Variants in FBXO34 observed in about 807,000 individuals in gnomAD.
FBXO34 encodes F-box only protein 34.
A neutral mutation model predicts 24.5 loss-of-function variants in FBXO34; 12 were observed. That is an observed-to-expected ratio of 0.49 (90% CI 0.31 to 0.79). The LOEUF (loss-of-function observed/expected upper bound fraction) is 0.79. Ranked by LOEUF, FBXO34 falls within the 30% of genes least tolerant of loss-of-function variation. The probability of loss-of-function intolerance (pLI) is 0.04; values close to 1 mark genes in which losing one functional copy is unlikely to be tolerated. For missense variants in FBXO34, 823 were observed against 857.7 expected (o/e 0.96, Z 0.51); for synonymous variants, 320 against 311.9 (o/e 1.03, Z -0.27).
the FBXO34 span, among the ~76,000 whole-genome samples, chr14:55,431,202 C>A: frequency 6.6e-6 from 1 of 152,180 alleles, no homozygotes; most frequent in Non-Finnish European, 1.5e-5. Context: ...TAACTAAATT[C>A]TCACAACTCA....
intron 3 of FBXO34, among the ~76,000 whole-genome samples, chr14:55,360,893 G>A (rs765495306): frequency 8.5e-5 from 13 of 152,218 alleles, no homozygotes; most frequent in South Asian, 6.2e-4. Flanking sequence ...AGCTATTCGG[G>A]AGGCTGAGGC....
At chr14:55,302,945 C>T (rs1882413719) in intron 1 of FBXO34, among the ~76,000 whole-genome samples, 1 of 152,172 alleles carries the variant, frequency 6.6e-6, no homozygotes, top group African/African-American at 2.4e-5. Context: ...AGTAAAGAGG[C>T]TAACAGTTGT....
intron 3 of FBXO34, among the ~76,000 whole-genome samples, chr14:55,359,916 CAAAAAA>C (rs34051939): frequency 1.1e-5 from 1 of 95,156 alleles, no homozygotes; most frequent in Admixed American, 1.1e-4. Context: ...CTTGTGCCTA[CAAAAAA>C]AAAAAAAAAA....
intron 1 of FBXO34, among the ~76,000 whole-genome samples, chr14:55,334,106 C>CA (rs1009861459): frequency 2.6e-5 from 4 of 152,166 alleles, no homozygotes; most frequent in Non-Finnish European, 5.9e-5. Context: ...AAAGCTGCTA[C>CA]ACAAGCCAGA....
chr14:55,364,926 G>T (rs1261331533), downstream of FBXO34, among the ~76,000 whole-genome samples: 1 of 151,454 alleles, frequency 6.6e-6, no homozygotes, highest in African/African-American at 2.4e-5. Context: ...TGTAGAAATG[G>T]GGTCTCACTG....
chr14:55,350,450 G>C lies in FBXO34; in HGVS notation c.60G>C (p.Arg20Ser). 1 of 1,610,430 alleles carries C rather than the reference G, an allele frequency of 6.2e-7. No homozygotes were observed. The change falls in exon 2 of 2, where the codon AGG becomes AGC. Residue 20 changes from arginine (R) to serine (S), a missense_variant. Arg to Ser is a moderately radical substitution (Grantham distance 110). Coordinates refer to ENST00000313833, the MANE Select transcript of FBXO34 (RefSeq NM_017943.4). ...AAGAGCACCCCCCGGAAGTCAGCAGGGAAACGCAGAGAACTCCTATGAACC... is the reference window on the plus strand; with the variant it reads ...AAGAGCACCCCCCGGAAGTCAGCAGCGAAACGCAGAGAACTCCTATGAACC... The part of the protein sequence containing the change: ...QKKEHPPEVS[R>S]ETQRTPMNHQ...
At chr14:55,368,056 C>T (rs1475401512) in exon 3 of FBXO34, 3 of 152,572 alleles carry the variant, frequency 2.0e-5, no homozygotes, top group African/African-American at 4.8e-5. Context: ...AGGACTCTTT[C>T]ATAGGATTTC....
chr14:55,390,805 A>G, the FBXO34 span: 1 of 742,126 alleles, frequency 1.3e-6, no homozygotes, highest in African/African-American at 1.8e-5. Context: ...CCAAGTTGCC[A>G]CTGCCCCACC....
chr14:55,351,972 G>C lies in FBXO34; in HGVS notation c.1582G>C (p.Ala528Pro), dbSNP rs1884402400. ...DSASEEKSGS[A>P]EPFVLPASSV... Reference sequence around the variant, plus strand: ...TGCATCTGAGGAAAAAAGTGGGTCTGCTGAGCCATTTGTACTGCCAGCCTC... The same window carrying C: ...TGCATCTGAGGAAAAAAGTGGGTCTCCTGAGCCATTTGTACTGCCAGCCTC... The change falls in exon 2 of 2, where the codon GCT becomes CCT. Residue 528 changes from alanine (A) to proline (P), a missense_variant. This residue lies in a region of FBXO34 where 693 missense variants were observed against 659.1 expected (regional missense o/e 1.05). Coordinates refer to ENST00000313833, the MANE Select transcript of FBXO34 (RefSeq NM_017943.4). 3 of 1,614,182 alleles carry C rather than the reference G, an allele frequency of 1.9e-6. No individual in the cohort carries two copies. The highest frequency in any genetic ancestry group is 1.1e-5 in the South Asian group (1 of 91,084).
At chr14:55,407,770 C>T in the FBXO34 span, among the ~76,000 whole-genome samples, 6 of 152,002 alleles carry the variant, frequency 3.9e-5, no homozygotes, top group Non-Finnish European at 8.8e-5. Flanking sequence ...AAATAGGGTA[C>T]TGTGATAGCA....
intron 1 of FBXO34, among the ~76,000 whole-genome samples, chr14:55,337,689 A>C (rs773823840): frequency 1.1e-4 from 16 of 152,266 alleles, no homozygotes; most frequent in Non-Finnish European, 2.2e-4. Flanking sequence ...CTAGCACAAT[A>C]TCCGACACTT....
At chr14:55,386,221 A>G in the FBXO34 span, 6 of 781,562 alleles carry the variant, frequency 7.7e-6, no homozygotes, top group Non-Finnish European at 1.2e-5. Flanking sequence ...CCTGAATAAT[A>G]TAATGTTCAC....
chr14:55,302,327 A>T (rs1006091292), intron 1 of FBXO34, among the ~76,000 whole-genome samples: 1 of 152,184 alleles, frequency 6.6e-6, no homozygotes, highest in South Asian at 2.1e-4. Context: ...TGGACCTGGG[A>T]TAATTGTCAT....
the FBXO34 span, chr14:55,382,181 C>T: frequency 6.2e-7 from 1 of 1,614,144 alleles, no homozygotes; most frequent in Non-Finnish European, 8.5e-7. Context: ...GAAGACACAT[C>T]TGCGGGGTCT....
chr14:55,300,440 C>G (rs1882310731), intron 1 of FBXO34, among the ~76,000 whole-genome samples: 1 of 152,062 alleles, frequency 6.6e-6, no homozygotes, highest in Non-Finnish European at 1.5e-5. Context: ...CAAAAAAATA[C>G]AAAAATTAGC....
chr14:55,284,869 G>A (rs1222910705), intron 1 of FBXO34, among the ~76,000 whole-genome samples: 1 of 149,922 alleles, frequency 6.7e-6, no homozygotes, highest in Non-Finnish European at 1.5e-5. Context: ...TCCCTCCTCA[G>A]CCTCCCAAAA....
chr14:55,293,612 T>A (rs1338054568), intron 1 of FBXO34, among the ~76,000 whole-genome samples: 1 of 152,156 alleles, frequency 6.6e-6, no homozygotes, highest in Non-Finnish European at 1.5e-5. Flanking sequence ...TTTTTTTTTT[T>A]TAAATCAATG....
chr14:55,375,925 T>A, the FBXO34 span, among the ~76,000 whole-genome samples: 1 of 152,312 alleles, frequency 6.6e-6, no homozygotes, highest in East Asian at 1.9e-4. Flanking sequence ...ATGATAGATA[T>A]CCACTAGTAA....
Position 55,350,701 on chromosome 14 carries a change from C to G in FBXO34, c.311C>G (p.Pro104Arg). ...ATIHQGEEEGPLDIWAVVKPG... is the reference protein window; with the variant it reads ...ATIHQGEEEGRLDIWAVVKPG... Reference sequence around the variant, plus strand: ...ATCCACCAGGGCGAAGAAGAAGGACCACTTGATATCTGGGCTGTTGTGAAA... The same window carrying G: ...ATCCACCAGGGCGAAGAAGAAGGACGACTTGATATCTGGGCTGTTGTGAAA... Residue 104 changes from proline to arginine, a missense_variant, in exon 2 of 2, where the codon CCA becomes CGA. Pro to Arg is a moderately radical substitution (Grantham distance 103). Transcript: ENST00000313833. The G allele has an allele frequency of 6.2e-7, 1 of 1,613,432 alleles. No individual in the cohort carries two copies. Among genetic ancestry groups the G allele is most frequent in the African/African-American group, 1.3e-5 (1 of 74,932 alleles).
Sources: gnomAD v4.1 joint callset for allele counts (sites outside exome capture counted in the v4.1 genomes callset) on GRCh38, gnomAD v4.1.1 for gene constraint, gnomAD v4.1.1 regional missense constraint, MANE v1.5 for transcripts, NCBI Gene and HGNC (gene_info 2026-07-23, HGNC 2026-07-21) for gene names.